The following NTRK3 variants were observed in gnomAD, a reference collection of about 807,000 sequenced individuals.
NTRK3 encodes the protein neurotrophic receptor tyrosine kinase 3.
Under a neutral mutation model 91.7 loss-of-function variants are expected in NTRK3, and 24 were observed. The observed-to-expected ratio is 0.26, with a 90% CI of 0.19 to 0.37. NTRK3 has a LOEUF of 0.37. Among genes scored for constraint, NTRK3 ranks in the 10% least tolerant of loss-of-function variants. The pLI, the probability that NTRK3 is intolerant of heterozygous loss-of-function variation, is 1.00. For synonymous variants in NTRK3, 483 were observed against 404.0 expected, an observed-to-expected ratio of 1.20 and a Z score of -2.34; for missense variants, 880 against 1,068.9, an observed-to-expected ratio of 0.82 and a Z score of 2.46.
At chr15:87,874,356 C>T (rs1206834187) in exon 19 of NTRK3, 4 of 166,188 alleles carry the variant, frequency 2.4e-5, no homozygotes, top group Admixed American at 7.9e-5. Context: ...CCAAGATCAG[C>T]GTGAAAGCCC....
chr15:88,214,339 C>T (rs2049534924), intron 3 of NTRK3, among the ~76,000 whole-genome samples: 1 of 152,132 alleles, frequency 6.6e-6, no homozygotes, highest in South Asian at 2.1e-4. Context: ...CTTAACATTC[C>T]TTGGCTCATA....
At chr15:87,999,612 T>A (rs758938349) in intron 14 of NTRK3, among the ~76,000 whole-genome samples, 1 of 152,192 alleles carries the variant, frequency 6.6e-6, no homozygotes, top group Non-Finnish European at 1.5e-5. Context: ...GGGAGGAATA[T>A]GGCAGGCCCT....
At chr15:87,926,759 A>G (rs1198563570) in intron 17 of NTRK3, 3 of 152,254 alleles carry the variant, frequency 2.0e-5, no homozygotes, top group African/African-American at 4.8e-5. Flanking sequence ...GCCAGTTAGC[A>G]CATTCTGGTC....
chr15:88,095,260 G>A (rs984233584), intron 13 of NTRK3, among the ~76,000 whole-genome samples: 1 of 152,218 alleles, frequency 6.6e-6, no homozygotes, highest in African/African-American at 2.4e-5. Context: ...GCTGCTATTT[G>A]GAGAAAATGT....
chr15:87,967,185 C>T (rs1250487527), intron 14 of NTRK3, among the ~76,000 whole-genome samples: 1 of 152,040 alleles, frequency 6.6e-6, no homozygotes, highest in African/African-American at 2.4e-5. Flanking sequence ...CTTGAAAGAC[C>T]CTATTCCGGT....
intron 6 of NTRK3, among the ~76,000 whole-genome samples, chr15:88,146,929 A>G (rs887812102): frequency 1.3e-5 from 2 of 152,162 alleles, no homozygotes; most frequent in African/African-American, 4.8e-5. Flanking sequence ...GAGAATAATA[A>G]TATCTACCTC....
intron 5 of NTRK3, among the ~76,000 whole-genome samples, chr15:88,182,621 T>A (rs1051227082): frequency 6.6e-6 from 1 of 152,172 alleles, no homozygotes; most frequent in Admixed American, 6.5e-5. Context: ...ATGGCCACTA[T>A]CCTTGGAGTT....
chr15:88,205,243 T>C (rs1046838163), intron 3 of NTRK3, among the ~76,000 whole-genome samples: 2 of 152,140 alleles, frequency 1.3e-5, no homozygotes, highest in Non-Finnish European at 2.9e-5. Flanking sequence ...TTAGTGTCCG[T>C]GTGGGGTGAG....
At chr15:88,249,540 G>T (rs2053157644) in intron 3 of NTRK3, among the ~76,000 whole-genome samples, 1 of 152,156 alleles carries the variant, frequency 6.6e-6, no homozygotes, top group Non-Finnish European at 1.5e-5. Context: ...TGCCCACTCT[G>T]GGCCCTTGGA....
intron 18 of NTRK3, among the ~76,000 whole-genome samples, chr15:87,879,068 A>G (rs1180628202): frequency 2.0e-5 from 3 of 152,116 alleles, no homozygotes; most frequent in African/African-American, 7.2e-5. Context: ...ATTTTGTTCT[A>G]CTTTGGGAAA....
intron 13 of NTRK3, among the ~76,000 whole-genome samples, chr15:88,108,827 C>T (rs1399448182): frequency 4.6e-5 from 7 of 152,322 alleles, no homozygotes; most frequent in South Asian, 2.1e-4. Flanking sequence ...AATGCAGAAC[C>T]TCAGGCCCTA....
intron 5 of NTRK3, among the ~76,000 whole-genome samples, chr15:88,170,137 A>AT (rs2045369218): frequency 6.6e-6 from 1 of 152,164 alleles, no homozygotes; most frequent in Non-Finnish European, 1.5e-5. Context: ...TAATGTATTA[A>AT]TGTCTCAGAA....
At chr15:88,195,719 A>C (rs1238189536) in intron 3 of NTRK3, among the ~76,000 whole-genome samples, 1 of 152,202 alleles carries the variant, frequency 6.6e-6, no homozygotes, top group Non-Finnish European at 1.5e-5. Flanking sequence ...ATCAAGAGTA[A>C]AAACAGCCTC....
At chr15:88,160,817 G>A (rs1014768593) in intron 5 of NTRK3, among the ~76,000 whole-genome samples, 1 of 152,198 alleles carries the variant, frequency 6.6e-6, no homozygotes, top group Non-Finnish European at 1.5e-5. Flanking sequence ...AACAGTGGCT[G>A]TGTGGGTTTG....
At chr15:88,137,424 C>T (rs142726068) in exon 7 of NTRK3, 723 of 1,613,826 alleles carry the variant, frequency 4.5e-4, no homozygotes, top group Non-Finnish European at 5.8e-4. Context: ...GATGTTCATG[C>T]GGAAGAGAGG....
At chr15:88,013,016 G>C (rs960185913) in intron 14 of NTRK3, among the ~76,000 whole-genome samples, 2 of 151,320 alleles carry the variant, frequency 1.3e-5, no homozygotes, top group African/African-American at 2.4e-5. Flanking sequence ...AGCTGAAACC[G>C]TGCACTGGTA....
At chr15:87,870,080 G>C (rs1173003928) in exon 19 of NTRK3, 1 of 187,778 alleles carries the variant, frequency 5.3e-6, no homozygotes, top group East Asian at 8.5e-5. Flanking sequence ...AAGAGATAGA[G>C]ATACTTGCAC....
chr15:88,163,210 T>C (rs2044627098), intron 5 of NTRK3, among the ~76,000 whole-genome samples: 1 of 152,140 alleles, frequency 6.6e-6, no homozygotes. Context: ...AGCAAGCAAT[T>C]CATATTATCT....
At chr15:88,208,691 G>A (rs1303300061) in intron 3 of NTRK3, among the ~76,000 whole-genome samples, 2 of 152,204 alleles carry the variant, frequency 1.3e-5, no homozygotes, top group Admixed American at 1.3e-4. Flanking sequence ...AGCTGGGTTT[G>A]ATGGCAGGAC....
Sources: gnomAD v4.1 joint callset for allele counts (sites outside exome capture counted in the v4.1 genomes callset) on GRCh38, gnomAD v4.1.1 for gene constraint, MANE v1.5 for transcripts, NCBI Gene and HGNC (gene_info 2026-07-23, HGNC 2026-07-21) for gene names.